The following CEP85L variants were observed in gnomAD, a reference collection of about 807,000 sequenced individuals.
CEP85L encodes the protein centrosomal protein of 85 kDa-like.
CEP85L carries 60 observed loss-of-function variants against 100.3 expected under a neutral mutation model. The observed-to-expected ratio is 0.60, with a 90% CI of 0.49 to 0.74. The LOEUF (loss-of-function observed/expected upper bound fraction) is 0.74. Among genes scored for constraint, CEP85L ranks in the 30% least tolerant of loss-of-function variants. The pLI is 0.00. For missense variants in CEP85L, 973 were observed against 936.2 expected, an observed-to-expected ratio of 1.04 and a Z score of -0.51; for synonymous variants, 319 against 322.7, an observed-to-expected ratio of 0.99 and a Z score of 0.12.
rs191993487 is a variant in CEP85L at position 118,625,064 on chromosome 6, T to C, written c.232+7389A>G. On this transcript the variant is annotated intron_variant, in intron 2 of 12. Transcript: ENST00000368491. ...CCCAGGACATTGGAACCTATCCACC[T>C]CAGTCCTAAACACCACCGGGATAAT... Among the ~76,000 whole-genome samples, 197 of 152,238 alleles carry C rather than the reference T, an allele frequency of 1.3e-3. 2 individuals are homozygous for C. The highest frequency in any genetic ancestry group is 9.9e-3 in the Admixed American group (152 of 15,292).
chr6:118,531,737 G>A (rs1022876968), intron 3 of CEP85L, among the ~76,000 whole-genome samples: 1 of 151,810 alleles, frequency 6.6e-6, no homozygotes, highest in African/African-American at 2.4e-5. Flanking sequence ...ACATACATGC[G>A]GCCAGCAAGC....
intron 2 of CEP85L, among the ~76,000 whole-genome samples, chr6:118,595,275 T>A (rs1781405707): frequency 5.6e-5 from 1 of 17,814 alleles, no homozygotes; most frequent in South Asian, 1.3e-3. Context: ...ACATCTATCC[T>A]CATTGTCGTA....
At chr6:118,596,945 CGTGGGAGGGACCCA>C (rs769792208) in intron 2 of CEP85L, among the ~76,000 whole-genome samples, 17 of 152,294 alleles carry the variant, frequency 1.1e-4, no homozygotes, top group Non-Finnish European at 2.4e-4. Context: ...CCCCACATGT[CGTGGGAGGGACCCA>C]GTGGGAGGTA....
In CEP85L at chr6:118,600,708, T is replaced by C. The variant is rs1292655963; in HGVS notation, c.232+31745A>G. Among the ~76,000 whole-genome samples, 11 of 151,940 alleles carry C rather than the reference T, an allele frequency of 7.2e-5. No homozygotes were observed. In the South Asian group the frequency reaches 1.5e-3, roughly 20 times the overall value. ...TGGTGCTGGCTGAAAATTCAGCCCC[T>C]TGGGGTCTGCTAACAAACTTTCTTA... On this transcript the variant is annotated intron_variant, in intron 2 of 12. Coordinates refer to ENST00000368491, the MANE Select transcript of CEP85L (RefSeq NM_001042475.3).
intron 2 of CEP85L, among the ~76,000 whole-genome samples, chr6:118,587,704 C>T (rs1780948812): frequency 6.6e-6 from 1 of 152,274 alleles, no homozygotes; most frequent in Admixed American, 6.5e-5. Flanking sequence ...TGGACTGACA[C>T]CCCTTGCCAC....
At chr6:118,519,810 A>G (rs1437509798) in intron 4 of CEP85L, among the ~76,000 whole-genome samples, 1 of 152,096 alleles carries the variant, frequency 6.6e-6, no homozygotes, top group Non-Finnish European at 1.5e-5. Flanking sequence ...AAAACCAGTG[A>G]ATAATTCCCA....
rs1208826218 is a variant in CEP85L, at chr6:118,630,876, C to A, written c.232+1577G>T. On this transcript the variant is annotated intron_variant, in intron 2 of 12. Coordinates refer to ENST00000368491, the MANE Select transcript of CEP85L (RefSeq NM_001042475.3). The stretch of plus-strand genomic sequence containing the variant: ...CATTAAATTCTCATAGAAGCACAAA[C>A]CCACTGCACATGCAAGGGATATAGG... 2.0e-5 allele frequency among the ~76,000 whole-genome samples: 3 copies of A among 152,190 alleles called. No homozygotes were observed. In the South Asian group the frequency reaches 6.2e-4, roughly 31 times the overall value.
intron 1 of CEP85L, among the ~76,000 whole-genome samples, chr6:118,662,592 A>G (rs1776011702): frequency 6.6e-6 from 1 of 152,102 alleles, no homozygotes; most frequent in Admixed American, 6.6e-5. Flanking sequence ...TAGATGAGGC[A>G]AATGAGTCAT....
upstream of CEP85L, chr6:118,652,340 T>A: frequency 1.0e-6 from 1 of 980,092 alleles, no homozygotes; most frequent in Non-Finnish European, 1.2e-6. Context: ...GAACCCTTAG[T>A]GCAGGAGGAG....
chr6:118,541,272 G>A (rs748243548), intron 3 of CEP85L, among the ~76,000 whole-genome samples: 1 of 152,170 alleles, frequency 6.6e-6, no homozygotes, highest in African/African-American at 2.4e-5. Context: ...CAGATGATGA[G>A]ATGTTCATGC....
chr6:118,475,347 A>ATATT (rs1470175603), intron 10 of CEP85L, among the ~76,000 whole-genome samples: 9 of 79,038 alleles, frequency 1.1e-4, no homozygotes, highest in Non-Finnish European at 1.7e-4. Flanking sequence ...TGTAGGTGAC[A>ATATT]TTTTTTTTTT....
chr6:118,698,718 T>G (rs1381875044), intron 1 of CEP85L, among the ~76,000 whole-genome samples: 1 of 152,004 alleles, frequency 6.6e-6, no homozygotes, highest in African/African-American at 2.4e-5. Flanking sequence ...TCTTTTGCAC[T>G]GGCCAGCAGT....
At chr6:118,565,001 A>T (rs193026037) in intron 3 of CEP85L, 86 of 144,990 alleles carry the variant, frequency 5.9e-4, no homozygotes, top group East Asian at 2.5e-3. Flanking sequence ...AATTTTTTTT[A>T]AAAAAAAGTA....
At chr6:118,656,668 G>C (rs565665380), upstream of CEP85L, 1 of 151,940 alleles carries the variant, frequency 6.6e-6, no homozygotes, top group Non-Finnish European at 1.5e-5. Context: ...CATATTTTGG[G>C]CATATATGTG....
chr6:118,575,309 T>C (rs1307028926), intron 2 of CEP85L, among the ~76,000 whole-genome samples: 1 of 152,342 alleles, frequency 6.6e-6, no homozygotes, highest in South Asian at 2.1e-4. Flanking sequence ...TAATAAAATA[T>C]TGTTGCTTTA....
intron 3 of CEP85L, among the ~76,000 whole-genome samples, chr6:118,542,724 C>T (rs1777964190): frequency 1.3e-5 from 2 of 151,790 alleles, no homozygotes; most frequent in South Asian, 4.2e-4. Context: ...TATGGTTACA[C>T]AAAACTATGG....
intron 2 of CEP85L, among the ~76,000 whole-genome samples, chr6:118,576,089 G>GA (rs900670066): frequency 2.8e-4 from 43 of 152,082 alleles, no homozygotes; most frequent in African/African-American, 1.0e-3. Context: ...CCTCATCAGG[G>GA]AAAGTAGAAA....
chr6:118,502,308 G>C, intron 5 of CEP85L: 1 of 518,466 alleles, frequency 1.9e-6, no homozygotes. Flanking sequence ...GGGGAAGACT[G>C]ATCTTCCAAG....
chr6:118,516,165 G>A (rs1038256041), intron 4 of CEP85L, among the ~76,000 whole-genome samples: 1 of 152,140 alleles, frequency 6.6e-6, no homozygotes. Context: ...ATGGGTATTT[G>A]GGTTGGTTCC....
Sources: allele counts gnomAD v4.1 joint callset (sites outside exome capture counted in the v4.1 genomes callset), GRCh38; gene constraint gnomAD v4.1.1; transcripts MANE v1.5; gene names NCBI Gene and HGNC (gene_info 2026-07-23, HGNC 2026-07-21).